Variants in CPE observed in about 807,000 individuals in gnomAD.
CPE encodes carbocypeptidase E.
In CPE, 17 loss-of-function variants were observed where a neutral mutation model predicts 53.5. The observed-to-expected ratio is 0.32, with a 90% CI of 0.22 to 0.48. The LOEUF is 0.48. Ranked by LOEUF, CPE falls within the 20% of genes least tolerant of loss-of-function variation. The pLI, the probability that CPE is intolerant of heterozygous loss-of-function variation, is 0.99. For missense variants in CPE, 524 were observed against 614.7 expected (o/e 0.85, Z 1.56); for synonymous variants, 226 against 228.8 (o/e 0.99, Z 0.11).
At chr4:165,394,187 A>C (rs1299834787) in intron 1 of CPE, among the ~76,000 whole-genome samples, 1 of 152,152 alleles carries the variant, frequency 6.6e-6, no homozygotes, top group Non-Finnish European at 1.5e-5. Context: ...TTGTGGAGTA[A>C]ATTACTTTGG....
chr4:165,473,837 A>T (rs1732249249), intron 3 of CPE, among the ~76,000 whole-genome samples: 1 of 152,090 alleles, frequency 6.6e-6, no homozygotes, highest in South Asian at 2.1e-4. Context: ...TTATAATTTT[A>T]CTCCTCCAGG....
chr4:165,389,409 T>C (rs1730645188), intron 1 of CPE, among the ~76,000 whole-genome samples: 1 of 152,216 alleles, frequency 6.6e-6, no homozygotes, highest in Non-Finnish European at 1.5e-5. Flanking sequence ...GAGAGGTTGG[T>C]TCTTGTAAAA....
At chr4:165,453,843 G>C (rs139472166) in intron 1 of CPE, among the ~76,000 whole-genome samples, 1 of 152,288 alleles carries the variant, frequency 6.6e-6, no homozygotes, top group African/African-American at 2.4e-5. Context: ...ACTAAAGAAA[G>C]AGAGGTGAGC....
intron 1 of CPE, among the ~76,000 whole-genome samples, chr4:165,412,452 A>T (rs1195924416): frequency 6.6e-6 from 1 of 152,220 alleles, no homozygotes; most frequent in Non-Finnish European, 1.5e-5. Flanking sequence ...GAAAACAGGG[A>T]TTATTTTATT....
At chr4:165,415,171 C>T (rs1435791377) in intron 1 of CPE, 1 of 166,944 alleles carries the variant, frequency 6.0e-6, no homozygotes, top group African/African-American at 2.4e-5. Context: ...GTGGAAAAAC[C>T]TTTGGAGAAT....
chr4:165,467,876 T>G, intron 3 of CPE, 21 bp downstream of exon 3: 1 of 1,611,576 alleles, frequency 6.2e-7, no homozygotes, highest in Non-Finnish European at 8.5e-7. Context: ...CGGGATAGTC[T>G]TCTTGGGTTC....
rs1420764461 is a variant in CPE at position 165,461,181 on chromosome 4, A to AG, written c.308-3209_308-3208insG. Among the ~76,000 whole-genome samples the AG allele has an allele frequency of 2.5e-3, 344 of 135,470 alleles. 4 individuals carry two copies. Among genetic ancestry groups the AG allele is most frequent in the African/African-American group, 8.8e-3 (311 of 35,384 alleles). The allele number at this position is 135,470 out of a possible 152,430, so 88.9% of individuals were successfully genotyped here. On this transcript the variant is annotated intron_variant, in intron 1 of 8. Transcript: ENST00000402744. ...GCCTCTGCCTCAAAAAAAAAAAAAA[A>AG]AAAAAAGAAAGAAAGAAAAGAAAAG...
At chr4:165,442,370 A>G (rs552877429) in intron 1 of CPE, among the ~76,000 whole-genome samples, 1 of 152,242 alleles carries the variant, frequency 6.6e-6, no homozygotes, top group South Asian at 2.1e-4. Context: ...TTTTATACCA[A>G]AAATATACAG....
At chr4:165,468,263 C>T (rs771167580) in intron 3 of CPE, among the ~76,000 whole-genome samples, 2 of 152,154 alleles carry the variant, frequency 1.3e-5, no homozygotes, top group Non-Finnish European at 1.5e-5. Context: ...CAAATCACTA[C>T]TCAGTTTTTT....
intron 1 of CPE, among the ~76,000 whole-genome samples, chr4:165,414,301 G>A (rs1731087609): frequency 1.3e-5 from 2 of 152,100 alleles, no homozygotes; most frequent in South Asian, 4.2e-4. Flanking sequence ...TCCAAAGAAA[G>A]CTTTTTTTAT....
intron 1 of CPE, among the ~76,000 whole-genome samples, chr4:165,448,647 C>T (rs1731757381): frequency 6.6e-6 from 1 of 152,084 alleles, no homozygotes; most frequent in Non-Finnish European, 1.5e-5. Flanking sequence ...AAAAAAAAAC[C>T]CTTCTTTTAT....
intron 7 of CPE, 61 bp downstream of exon 7, chr4:165,493,331 CATAATT>C (rs1732642039): frequency 8.7e-7 from 1 of 1,154,202 alleles, no homozygotes; most frequent in Non-Finnish European, 1.3e-6. Context: ...TACTAATTAT[CATAATT>C]ATAAGTCTTA....
intron 1 of CPE, among the ~76,000 whole-genome samples, chr4:165,446,328 AGT>A (rs1731713272): frequency 6.6e-6 from 1 of 152,244 alleles, no homozygotes; most frequent in Non-Finnish European, 1.5e-5. Context: ...TATAAACAAA[AGT>A]GTAATGTACT....
intron 1 of CPE, among the ~76,000 whole-genome samples, chr4:165,417,989 C>T (rs1731153616): frequency 6.6e-6 from 1 of 152,124 alleles, no homozygotes; most frequent in South Asian, 2.1e-4. Flanking sequence ...AGATCAAATT[C>T]ATGTCGTACT....
At chr4:165,478,896 C>A (rs1732351955) in intron 3 of CPE, among the ~76,000 whole-genome samples, 1 of 152,152 alleles carries the variant, frequency 6.6e-6, no homozygotes, top group Admixed American at 6.5e-5. Context: ...TTTCTCTTTT[C>A]TTCTCCTACC....
intron 3 of CPE, among the ~76,000 whole-genome samples, chr4:165,468,949 A>G (rs1732153082): frequency 6.6e-6 from 1 of 152,208 alleles, no homozygotes; most frequent in South Asian, 2.1e-4. Context: ...TTGCTGTGTG[A>G]ACTTTGTAAA....
chr4:165,437,716 A>G (rs918267303), intron 1 of CPE, among the ~76,000 whole-genome samples: 6 of 152,174 alleles, frequency 3.9e-5, no homozygotes, highest in Non-Finnish European at 8.8e-5. Context: ...CAGTCAGCCA[A>G]TCTGGGAGCA....
chr4:165,481,750 T>G (rs1732417695), intron 3 of CPE, among the ~76,000 whole-genome samples: 1 of 152,230 alleles, frequency 6.6e-6, no homozygotes, highest in Non-Finnish European at 1.5e-5. Flanking sequence ...GGAACAATGT[T>G]TGAAGTAATT....
In CPE at chr4:165,379,227, C is replaced by T; in HGVS notation, c.6C>T (p.Ala2=). The T allele has an allele frequency of 1.6e-6, 2 of 1,231,198 alleles. No individual in the cohort carries two copies. The highest frequency in any genetic ancestry group is 2.0e-6 in the Non-Finnish European group (2 of 989,592). 76.3% of individuals were successfully genotyped at this position (1,231,198 alleles called of 1,614,324 possible). A position where few individuals can be genotyped will look rare whatever the true frequency, so the allele number is the denominator to read the frequency against. ...GGCGGCGGCGGAGCGCAGCGATGGC[C>T]GGGCGAGGGGGCAGCGCGCTGCTGG... M[A]GRGGSALLAL... is the part of the protein sequence containing the mutation. Residue 2 remains alanine, a synonymous_variant, in exon 1 of 9, where the codon GCC becomes GCT. Coordinates refer to ENST00000402744, the MANE Select transcript of CPE (RefSeq NM_001873.4). This position sits in a 1 kb window ranked among gnomAD's most constrained non-coding sequence, Gnocchi z 6.0.
Sources: gnomAD v4.1 joint callset for allele counts (sites outside exome capture counted in the v4.1 genomes callset) on GRCh38, gnomAD v4.1.1 for gene constraint, Gnocchi (gnomAD v3.1) non-coding constraint, MANE v1.5 for transcripts, NCBI Gene and HGNC (gene_info 2026-07-23, HGNC 2026-07-21) for gene names.